The following IL1RAPL2 variants were observed in gnomAD, a reference collection of about 807,000 sequenced individuals.
IL1RAPL2 encodes the protein X-linked interleukin-1 receptor accessory protein-like 2.
IL1RAPL2 carries 3 observed loss-of-function variants against 44.1 expected under a neutral mutation model. The observed-to-expected ratio is 0.07, with a 90% confidence interval of 0.03 to 0.18. The LOEUF is 0.18. Among genes scored for constraint, IL1RAPL2 ranks in the 10% least tolerant of loss-of-function variants. The probability of loss-of-function intolerance (pLI) is 1.00; values close to 1 mark genes in which losing one functional copy is unlikely to be tolerated. For missense variants in IL1RAPL2, 391 were observed against 496.4 expected (o/e 0.79, Z 2.02); for synonymous variants, 181 against 178.8 (o/e 1.01, Z -0.10).
At chrX:105,246,020 G>T (rs1363812487) in intron 4 of IL1RAPL2, among the ~76,000 whole-genome samples, 1 of 112,413 alleles carries the variant, frequency 8.9e-6, no homozygotes. Flanking sequence ...GCCTACCTGT[G>T]CAAGGCACTA....
rs768778656 is a variant in IL1RAPL2 at position 104,628,867 on chromosome X, T to G, written c.-19-30028T>G. ...ATAAAAATATGTGCACATACAAGGA[T>G]AGCCAATGCAGTATGCGTTGTGATG... On this transcript the variant is annotated intron_variant, in intron 1 of 10. Coordinates refer to ENST00000372582, the MANE Select transcript of IL1RAPL2 (RefSeq NM_017416.2). 3.6e-5 allele frequency among the ~76,000 whole-genome samples: 4 copies of G among 112,224 alleles called. No individual in the cohort carries two copies. In the South Asian group the frequency reaches 1.5e-3, roughly 41 times the overall value.
At chrX:104,927,382 A>G (rs1465293899) in intron 2 of IL1RAPL2, among the ~76,000 whole-genome samples, 2 of 111,503 alleles carry the variant, frequency 1.8e-5, no homozygotes, top group Admixed American at 1.9e-4. Flanking sequence ...ATTGTTGTTT[A>G]ATTTTAGTGC....
intron 5 of IL1RAPL2, among the ~76,000 whole-genome samples, chrX:105,287,411 A>C (rs964642916): frequency 9.0e-6 from 1 of 111,498 alleles, no homozygotes; most frequent in Non-Finnish European, 1.9e-5. Flanking sequence ...CTTAGGCTAG[A>C]GGGGTAGGTA....
chrX:105,161,408 C>T (rs1200249572), intron 2 of IL1RAPL2, among the ~76,000 whole-genome samples: 3 of 108,689 alleles, frequency 2.8e-5, no homozygotes, highest in Non-Finnish European at 5.7e-5. Context: ...ATAAATTGCT[C>T]CAGGTGATGG....
At position 105,767,573 on chromosome X, in the gene IL1RAPL2, C is replaced by T. The variant is rs1872540319; in HGVS notation, c.1973C>T (p.Thr658Ile). 1 of 1,208,464 alleles carries T rather than the reference C, an allele frequency of 8.3e-7. No homozygotes were observed. The highest frequency in any genetic ancestry group is 2.2e-5 in the Admixed American group (1 of 45,672). ...LLNGQLPLNN[T>I]LKDTQEFHRN... ...AACGGACAGCTACCCCTTAATAACA[C>T]CCTGAAAGATACCCAGGAATTTCAC... The change falls in exon 11 of 11, where the codon ACC (threonine) becomes ATC (isoleucine). Residue 658 changes from threonine (T) to isoleucine (I), a missense_variant. Coordinates refer to ENST00000372582, the MANE Select transcript of IL1RAPL2 (RefSeq NM_017416.2).
chrX:105,114,328 G>A (rs1232493514), intron 2 of IL1RAPL2, among the ~76,000 whole-genome samples: 1 of 112,119 alleles, frequency 8.9e-6, no homozygotes, highest in East Asian at 2.8e-4. Context: ...ATGAATGTAT[G>A]TTGTTTATGA....
intron 2 of IL1RAPL2, among the ~76,000 whole-genome samples, chrX:104,733,506 G>C (rs1931959830): frequency 9.1e-6 from 1 of 109,422 alleles, no homozygotes; most frequent in African/African-American, 3.3e-5. Context: ...TGTAATCCCA[G>C]CTACTCAGGA....
chrX:105,219,345 G>A (rs782607139), intron 3 of IL1RAPL2: 2 of 1,211,386 alleles, frequency 1.7e-6, no homozygotes, highest in East Asian at 3.0e-5. Flanking sequence ...CTCTGGACCA[G>A]GGGTTCGTGG....
At chrX:105,499,866 A>T (rs1207654107) in intron 6 of IL1RAPL2, among the ~76,000 whole-genome samples, 1 of 112,237 alleles carries the variant, frequency 8.9e-6, no homozygotes, top group Non-Finnish European at 1.9e-5. Context: ...AATTAAAAAT[A>T]AAACTACCAT....
At chrX:104,686,162 T>C (rs1318386811) in intron 2 of IL1RAPL2, among the ~76,000 whole-genome samples, 1 of 111,092 alleles carries the variant, frequency 9.0e-6, no homozygotes, top group Non-Finnish European at 1.9e-5. Context: ...ACATTTTGTG[T>C]ATTTAAGTTT....
chrX:105,165,405 C>T (rs1423726407), intron 2 of IL1RAPL2, among the ~76,000 whole-genome samples: 1 of 111,389 alleles, frequency 9.0e-6, no homozygotes, highest in Non-Finnish European at 1.9e-5. Flanking sequence ...ACTTATATCC[C>T]TATCTACTCT....
At chrX:105,437,873 G>A (rs188753757) in intron 5 of IL1RAPL2, among the ~76,000 whole-genome samples, 119 of 111,799 alleles carry the variant, frequency 1.1e-3, no homozygotes, top group African/African-American at 3.7e-3. Context: ...TGAGGAAGAA[G>A]TTTTTGTTTT....
rs762072442 is a variant in IL1RAPL2 at position 105,353,988 on chromosome X, A to G, written c.697+86447A>G. Among the ~76,000 whole-genome samples the G allele has an allele frequency of 2.4e-4, 27 of 110,897 alleles. No individual in the cohort carries two copies. The South Asian group carries it at 9.3e-3, about 38-fold the overall frequency. ...CACTATGTTGAATAGGAGTGGTGAG[A>G]GAGGACATCCCTGTCTTGTGCCAGT... On this transcript the variant is annotated intron_variant, in intron 5 of 10. Transcript: ENST00000372582.
intron 5 of IL1RAPL2, among the ~76,000 whole-genome samples, chrX:105,341,289 C>T (rs1414501516): frequency 9.0e-6 from 1 of 111,133 alleles, no homozygotes; most frequent in Non-Finnish European, 1.9e-5. Flanking sequence ...TACTGCAATT[C>T]CTTCTTACAC....
At chrX:105,522,144 C>T (rs1368591363) in intron 6 of IL1RAPL2, among the ~76,000 whole-genome samples, 1 of 111,698 alleles carries the variant, frequency 9.0e-6, no homozygotes, top group Non-Finnish European at 1.9e-5. Flanking sequence ...AGGCTTTATT[C>T]TGTGACTATG....
chrX:105,290,100 A>G (rs145352268), intron 5 of IL1RAPL2, among the ~76,000 whole-genome samples: 1,489 of 111,427 alleles, frequency 0.013, 22 homozygotes, highest in African/African-American at 0.047. Flanking sequence ...ACAGGATCCA[A>G]TCTGGGTTCC....
intron 2 of IL1RAPL2, among the ~76,000 whole-genome samples, chrX:105,067,913 A>G (rs2032158823): frequency 8.9e-6 from 1 of 111,942 alleles, no homozygotes; most frequent in Non-Finnish European, 1.9e-5. Flanking sequence ...GTGAAAGAAG[A>G]CACCTTGGTC....
intron 2 of IL1RAPL2, among the ~76,000 whole-genome samples, chrX:104,683,095 C>T (rs1930918556): frequency 9.0e-6 from 1 of 111,326 alleles, no homozygotes; most frequent in Non-Finnish European, 1.9e-5. Context: ...ACCTAGCTTT[C>T]ACCTGATATA....
At chrX:104,790,690 A>C (rs1176986201) in intron 2 of IL1RAPL2, among the ~76,000 whole-genome samples, 1 of 112,119 alleles carries the variant, frequency 8.9e-6, no homozygotes. Context: ...AGAAACCATA[A>C]AAATCACCTA....
Sources: gnomAD v4.1 joint callset for allele counts (sites outside exome capture counted in the v4.1 genomes callset) on GRCh38, gnomAD v4.1.1 for gene constraint, MANE v1.5 for transcripts, NCBI Gene and HGNC (gene_info 2026-07-23, HGNC 2026-07-21) for gene names.